HMGCLL1: variants seen among roughly 807,000 people sequenced by gnomAD.
The protein encoded by HMGCLL1 is 3-hydroxymethyl-3-methylglutaryl-CoA lyase, cytoplasmic.
In HMGCLL1, 36 loss-of-function variants were observed where a neutral mutation model predicts 39.1. The observed-to-expected ratio is 0.92, with a 90% CI of 0.71 to 1.22. HMGCLL1 has a LOEUF of 1.22. Among genes scored for constraint, HMGCLL1 ranks in the 50% most tolerant of loss-of-function variants. HMGCLL1 has a pLI of 0.00. For missense variants in HMGCLL1, 451 were observed against 416.5 expected, an observed-to-expected ratio of 1.08 and a Z score of -0.72; for synonymous variants, 149 against 144.0, an observed-to-expected ratio of 1.03 and a Z score of -0.25.
At chr6:55,569,381 T>C (rs1242777005) in intron 1 of HMGCLL1, among the ~76,000 whole-genome samples, 2 of 152,160 alleles carry the variant, frequency 1.3e-5, no homozygotes, top group Admixed American at 6.5e-5. Context: ...ATAAAGATAA[T>C]TGGGCTCCAA....
rs554615151 is a variant in HMGCLL1, at chr6:55,528,381, G to A, written c.298-11778C>T. Among the ~76,000 whole-genome samples the A allele has an allele frequency of 3.3e-5, 5 of 152,142 alleles. No individual in the cohort carries two copies. In the East Asian group the frequency reaches 7.8e-4, roughly 24 times the overall value. Reference sequence around the variant, plus strand: ...AACTCCTCTTAAAGGCGATACATTCGTAAATTCAGTAATGAGAAAAAATGA... The same window carrying A: ...AACTCCTCTTAAAGGCGATACATTCATAAATTCAGTAATGAGAAAAAATGA... On this transcript the variant is annotated intron_variant, in intron 3 of 8. Transcript: ENST00000274901.
At chr6:55,569,787 A>T (rs1485890286) in intron 1 of HMGCLL1, among the ~76,000 whole-genome samples, 1 of 152,222 alleles carries the variant, frequency 6.6e-6, no homozygotes, top group Non-Finnish European at 1.5e-5. Flanking sequence ...TATATCTCTT[A>T]TGAAACACCA....
intron 1 of HMGCLL1, among the ~76,000 whole-genome samples, chr6:55,554,246 C>A (rs12197779): frequency 2.0e-5 from 3 of 152,074 alleles, no homozygotes; most frequent in Non-Finnish European, 4.4e-5. Flanking sequence ...GCAAGAGTAT[C>A]AAAAAAGTCC....
chr6:55,645,770 T>G, the HMGCLL1 span, among the ~76,000 whole-genome samples: 1 of 152,006 alleles, frequency 6.6e-6, no homozygotes, highest in Non-Finnish European at 1.5e-5. Context: ...AAAAAGATCT[T>G]TTTAGTATGC....
At position 55,568,854 on chromosome 6, in the gene HMGCLL1, A is replaced by AACACAC. The variant is rs139032251; in HGVS notation, c.108+10088_108+10093dup. ...TGGTTGATTAGGGGAAGTAAAATGAAACACACACACACACACACACAAACA... is the reference window on the plus strand; with the variant it reads ...TGGTTGATTAGGGGAAGTAAAATGAAACACACACACACACACACACACACACAAACA... On this transcript the variant is annotated intron_variant, in intron 1 of 8. Coordinates refer to ENST00000274901, the MANE Select transcript of HMGCLL1 (RefSeq NM_001042406.2). 4.8e-3 allele frequency among the ~76,000 whole-genome samples: 725 copies of AACACAC among 150,636 alleles called. 5 individuals carry two copies. Among genetic ancestry groups the AACACAC allele is most frequent in the Admixed American group, 4.2e-3 (63 of 15,106 alleles).
rs551768876 is a variant in HMGCLL1 at position 55,546,057 on chromosome 6, G to C, written c.109-3917C>G. ...GAGAGATACTATCTCTCTTTCTATG[G>C]CTGTTTGCTAGAAAAACATTCTTGA... On this transcript the variant is annotated intron_variant, in intron 1 of 8. Coordinates refer to ENST00000274901, the MANE Select transcript of HMGCLL1 (RefSeq NM_001042406.2). Among the ~76,000 whole-genome samples, 23 of 152,160 alleles carry C rather than the reference G, an allele frequency of 1.5e-4. No homozygotes were observed. In the South Asian group the frequency reaches 4.8e-3, roughly 32 times the overall value.
At chr6:55,438,571 G>A (rs1763463669) in intron 8 of HMGCLL1, among the ~76,000 whole-genome samples, 1 of 151,966 alleles carries the variant, frequency 6.6e-6, no homozygotes, top group Non-Finnish European at 1.5e-5. Flanking sequence ...AATGGAATAC[G>A]AGGCATAAGG....
the HMGCLL1 span, among the ~76,000 whole-genome samples, chr6:55,638,144 TGGTGTAATCCCAGCA>T: frequency 6.6e-6 from 1 of 151,906 alleles, no homozygotes; most frequent in Non-Finnish European, 1.5e-5. Context: ...TAGCTGGGCG[TGGTGTAATCCCAGCA>T]CTTTGGGAGG....
the HMGCLL1 span, among the ~76,000 whole-genome samples, chr6:55,663,010 T>A: frequency 6.6e-6 from 1 of 151,754 alleles, no homozygotes. Context: ...TAGTTGTATT[T>A]CTGTGAAGGC....
At chr6:55,440,503 T>A (rs1156545557) in intron 7 of HMGCLL1, among the ~76,000 whole-genome samples, 1 of 151,978 alleles carries the variant, frequency 6.6e-6, no homozygotes, top group Non-Finnish European at 1.5e-5. Context: ...TACAACAGGG[T>A]CTGAGAAGGG....
chr6:55,648,468 G>A, the HMGCLL1 span, among the ~76,000 whole-genome samples: 1 of 92,972 alleles, frequency 1.1e-5, no homozygotes, highest in Non-Finnish European at 2.1e-5. Context: ...TAGACCGCTA[G>A]CAAGACTAAT....
At chr6:55,594,853 C>A in the HMGCLL1 span, among the ~76,000 whole-genome samples, 25 of 152,082 alleles carry the variant, frequency 1.6e-4, no homozygotes, top group Admixed American at 1.4e-3. Context: ...AATTATAGCT[C>A]AGATATACAT....
At chr6:55,607,582 T>C in the HMGCLL1 span, among the ~76,000 whole-genome samples, 4 of 152,074 alleles carry the variant, frequency 2.6e-5, no homozygotes, top group Non-Finnish European at 5.9e-5. Flanking sequence ...CTGGTCCCTG[T>C]AAGGAAATAA....
chr6:55,465,120 CA>C (rs1242321347), intron 7 of HMGCLL1, among the ~76,000 whole-genome samples: 5 of 152,132 alleles, frequency 3.3e-5, no homozygotes, highest in Admixed American at 3.3e-4. Context: ...GGTTTTACAA[CA>C]AAGGTTTTAA....
intron 7 of HMGCLL1, among the ~76,000 whole-genome samples, chr6:55,477,405 CTAA>C (rs1765489674): frequency 3.5e-5 from 1 of 28,262 alleles, no homozygotes; most frequent in South Asian, 9.3e-4. Flanking sequence ...TATATATTAT[CTAA>C]ATATATATTA....
chr6:55,627,572 C>A, the HMGCLL1 span, among the ~76,000 whole-genome samples: 2 of 151,466 alleles, frequency 1.3e-5, no homozygotes, highest in Non-Finnish European at 2.9e-5. Flanking sequence ...GGTGTGTCTG[C>A]GTGGGTGTTG....
chr6:55,474,612 T>TA (rs1336807201), intron 7 of HMGCLL1, among the ~76,000 whole-genome samples: 3 of 151,618 alleles, frequency 2.0e-5, no homozygotes, highest in Non-Finnish European at 3.0e-5. Context: ...ATCTGTGTCA[T>TA]ATCTGAGTCT....
At chr6:55,523,614 T>C (rs1768153276) in intron 3 of HMGCLL1, among the ~76,000 whole-genome samples, 1 of 151,956 alleles carries the variant, frequency 6.6e-6, no homozygotes, top group Non-Finnish European at 1.5e-5. Flanking sequence ...AGAATGTTGG[T>C]GTAAATATTC....
intron 3 of HMGCLL1, among the ~76,000 whole-genome samples, chr6:55,517,370 A>G (rs1163943022): frequency 6.6e-6 from 1 of 152,218 alleles, no homozygotes; most frequent in East Asian, 1.9e-4. Context: ...AGAAATTACC[A>G]TTGACATAAC....
Sources: allele counts gnomAD v4.1 joint callset (sites outside exome capture counted in the v4.1 genomes callset), GRCh38; gene constraint gnomAD v4.1.1; transcripts MANE v1.5; gene names NCBI Gene and HGNC (gene_info 2026-07-23, HGNC 2026-07-21).